The following NCOR2 variants were observed in gnomAD, a reference collection of about 807,000 sequenced individuals.
NCOR2 encodes CTG repeat protein 26.
A neutral mutation model predicts 262.9 loss-of-function variants in NCOR2; 81 were observed. The observed-to-expected ratio is 0.31, with a 90% CI of 0.26 to 0.37. NCOR2 has a LOEUF of 0.37. Among genes scored for constraint, NCOR2 ranks in the 10% least tolerant of loss-of-function variants. The pLI, the probability that NCOR2 is intolerant of heterozygous loss-of-function variation, is 1.00. For synonymous variants in NCOR2, 1,659 were observed against 1,559.3 expected (o/e 1.06, Z -1.51); for missense variants, 3,385 against 3,621.4 (o/e 0.93, Z 1.68).
intron 44 of NCOR2, chr12:124,328,652 T>C (rs75977598): frequency 0.064 from 9,871 of 153,800 alleles, 569 homozygotes; most frequent in African/African-American, 0.14. Context: ...TGAAGCCCCA[T>C]TCCACCGTGC....
chr12:124,362,237 GGGGAGCTGGCTTGGT>G (rs1458087897), exon 22 of NCOR2: 3 of 1,316,078 alleles, frequency 2.3e-6, no homozygotes, highest in African/African-American at 3.0e-5. Flanking sequence ...GGTGGGGCTG[GGGGAGCTGGCTTGGT>G]GGGAGCTGCG....
At chr12:124,349,320 C>G (rs1414133636) in intron 28 of NCOR2, among the ~76,000 whole-genome samples, 2 of 152,210 alleles carry the variant, frequency 1.3e-5, no homozygotes, top group African/African-American at 4.8e-5. Context: ...GAGCCCCCGC[C>G]CCACCCCTCA....
In NCOR2 at chr12:124,379,244, T is replaced by C. The variant is rs573315467; in HGVS notation, c.2020-860A>G. 1.2e-4 allele frequency among the ~76,000 whole-genome samples: 19 copies of C among 152,104 alleles called. 2 individuals are homozygous for C. In the South Asian group the frequency reaches 3.3e-3, roughly 27 times the overall value. ...GAAGCCCTCATCGTCGGGCCTCCAC[T>C]TTCCCCGCACCGCACCCTGCTCCTG... On this transcript the variant is annotated intron_variant, in intron 17 of 46. Coordinates refer to ENST00000405201, the Ensembl canonical transcript of NCOR2.
chr12:124,438,072 G>T, intron 7 of NCOR2, 76 bp from the exon 10 acceptor site: 1 of 1,429,104 alleles, frequency 7.0e-7, no homozygotes. Flanking sequence ...CCTGTTTGCT[G>T]AGAGTGAGCC....
intron 19 of NCOR2, 31 bp downstream of exon 21, chr12:124,374,382 T>C (rs746588083): frequency 1.2e-6 from 2 of 1,609,304 alleles, no homozygotes; most frequent in Non-Finnish European, 1.7e-6. Flanking sequence ...GGCCCGGCCC[T>C]ACCCCCCAGG....
At chr12:124,446,118 C>A (rs2045151950) in intron 7 of NCOR2, among the ~76,000 whole-genome samples, 1 of 152,344 alleles carries the variant, frequency 6.6e-6, no homozygotes, top group Admixed American at 6.5e-5. Flanking sequence ...CACAAAACAT[C>A]AGAGCCTGCA....
At chr12:124,331,043 A>G (rs1593075315) in intron 43 of NCOR2, 145 bp from the exon 46 acceptor site, 1 of 708,578 alleles carries the variant, frequency 1.4e-6, no homozygotes, top group East Asian at 2.9e-5. Context: ...GGCCTGGGAC[A>G]GGGCCAAGCG....
At chr12:124,336,723 T>C (rs1437479477) in intron 38 of NCOR2, 30 bp downstream of exon 40, 14 of 1,609,726 alleles carry the variant, frequency 8.7e-6, no homozygotes, top group Non-Finnish European at 1.2e-5. Context: ...ATCGCGTCTA[T>C]GAAGGTGGCC....
At chr12:124,508,901 A>T (rs889086707) in intron 1 of NCOR2, among the ~76,000 whole-genome samples, 4 of 152,080 alleles carry the variant, frequency 2.6e-5, no homozygotes, top group African/African-American at 9.7e-5. Flanking sequence ...GGGGGACAGG[A>T]GGTGGAGCGC....
rs2044762450 is a variant in NCOR2, at chr12:124,440,857, G to GAA, written c.816-2862_816-2861insTT. Among the ~76,000 whole-genome samples the GAA allele has an allele frequency of 6.6e-6, 1 of 152,266 alleles. No homozygotes were observed. The highest frequency in any genetic ancestry group is 6.5e-5 in the Admixed American group (1 of 15,290). Reference sequence around the variant, plus strand: ...TACGTCATCAGAAGGACCCGGCTCTGGGAAGATCCAGAAGGAAGGGAACTC... The same window carrying GAA: ...TACGTCATCAGAAGGACCCGGCTCTGAAGGAAGATCCAGAAGGAAGGGAACTC... On this transcript the variant is annotated intron_variant, in intron 7 of 46. Coordinates refer to ENST00000405201, the Ensembl canonical transcript of NCOR2. The surrounding 1 kb of genome is among the most constrained non-coding windows in gnomAD (Gnocchi z 5.7).
In NCOR2 at chr12:124,483,997, G is replaced by T. The variant is rs1225644502; in HGVS notation, c.234-224C>A. On this transcript the variant is annotated intron_variant, in intron 2 of 46. Coordinates refer to ENST00000405201, the Ensembl canonical transcript of NCOR2. The surrounding 1 kb of genome is among the most constrained non-coding windows in gnomAD (Gnocchi z 6.3). ...CCACATTCACCGAGGACATTTACAG[G>T]GAGGGAGTGTGCTACGGTGGCACTG... Among the ~76,000 whole-genome samples the T allele has an allele frequency of 1.3e-5, 2 of 152,152 alleles. No individual in the cohort carries two copies. Among genetic ancestry groups the T allele is most frequent in the African/African-American group, 4.8e-5 (2 of 41,440 alleles).
chr12:124,445,829 G>A (rs1225645065), intron 7 of NCOR2, among the ~76,000 whole-genome samples: 3 of 152,254 alleles, frequency 2.0e-5, no homozygotes, highest in African/African-American at 4.8e-5. Flanking sequence ...GAATGAATGA[G>A]TCTGGGTCTC....
chr12:124,376,693 C>T (rs989940340), intron 18 of NCOR2, among the ~76,000 whole-genome samples: 2 of 152,320 alleles, frequency 1.3e-5, no homozygotes, highest in South Asian at 4.1e-4. Context: ...GCTGGTGAAA[C>T]CCTGCGGGCT....
chr12:124,520,889 T>C (rs2050147653), intron 1 of NCOR2, among the ~76,000 whole-genome samples: 1 of 151,972 alleles, frequency 6.6e-6, no homozygotes, highest in Non-Finnish European at 1.5e-5. Context: ...GAAAGATCGG[T>C]GAAGACCCCC....
intron 1 of NCOR2, among the ~76,000 whole-genome samples, chr12:124,500,696 G>A (rs960365218): frequency 6.2e-4 from 95 of 152,224 alleles, no homozygotes; most frequent in Admixed American, 1.0e-3. Context: ...CTTCCATGGG[G>A]CCTCCCACCC....
intron 16 of NCOR2, chr12:124,388,624 G>A (rs1207815173): frequency 6.9e-6 from 9 of 1,295,398 alleles, no homozygotes; most frequent in Non-Finnish European, 7.1e-6. Flanking sequence ...AGATGGCCAC[G>A]TTGCGGTCCC....
chr12:124,526,502 C>T (rs115719511), intron 1 of NCOR2, among the ~76,000 whole-genome samples: 73 of 152,304 alleles, frequency 4.8e-4, no homozygotes, highest in African/African-American at 1.7e-3. Flanking sequence ...ATGGAGGGAA[C>T]AGGTGTGGGC....
chr12:124,365,077 G>C (rs909435151), intron 20 of NCOR2, among the ~76,000 whole-genome samples: 1 of 149,182 alleles, frequency 6.7e-6, no homozygotes, highest in Admixed American at 6.7e-5. Flanking sequence ...CTACGTTTGG[G>C]GGTATGGAAG....
chr12:124,367,691 G>A (rs1317799624), intron 20 of NCOR2, among the ~76,000 whole-genome samples: 4 of 152,110 alleles, frequency 2.6e-5, no homozygotes, highest in Non-Finnish European at 4.4e-5. Flanking sequence ...GGAGTGCAGT[G>A]GCACAATCTT....
Sources: gnomAD v4.1 joint callset for allele counts (sites outside exome capture counted in the v4.1 genomes callset) on GRCh38, gnomAD v4.1.1 for gene constraint, Gnocchi (gnomAD v3.1) non-coding constraint, MANE v1.5 for transcripts, NCBI Gene and HGNC (gene_info 2026-07-23, HGNC 2026-07-21) for gene names.